Variants in EDIL3 observed in about 807,000 individuals in gnomAD.
EDIL3 encodes EGF like and discoidin domains 3.
In EDIL3, 37 loss-of-function variants were observed where a neutral mutation model predicts 67.4. The observed-to-expected ratio is 0.55, with a 90% CI of 0.42 to 0.72. The LOEUF is 0.72. Among genes scored for constraint, EDIL3 ranks in the 30% least tolerant of loss-of-function variants. EDIL3 has a pLI of 0.00. For missense variants in EDIL3, 527 were observed against 586.3 expected, an observed-to-expected ratio of 0.90 and a Z score of 1.04; for synonymous variants, 195 against 196.3, an observed-to-expected ratio of 0.99 and a Z score of 0.05.
At chr5:84,258,958 T>C (rs906573962) in intron 1 of EDIL3, among the ~76,000 whole-genome samples, 54 of 149,272 alleles carry the variant, frequency 3.6e-4, no homozygotes, top group African/African-American at 1.2e-3. Flanking sequence ...CCAGTGGATA[T>C]GTTCGTAGAG....
intron 1 of EDIL3, among the ~76,000 whole-genome samples, chr5:84,337,975 G>A (rs961284466): frequency 3.3e-5 from 5 of 151,984 alleles, no homozygotes; most frequent in East Asian, 1.9e-4. Context: ...GTGTTTCTCC[G>A]AATTTTCATG....
chr5:84,235,619 G>T (rs1214329658), intron 2 of EDIL3, among the ~76,000 whole-genome samples: 2 of 151,930 alleles, frequency 1.3e-5, no homozygotes, highest in Non-Finnish European at 2.9e-5. Flanking sequence ...ACAGTGTCTG[G>T]AACACTGGAG....
chr5:84,295,758 TTCTC>T (rs1746038276), intron 1 of EDIL3, among the ~76,000 whole-genome samples: 2 of 152,332 alleles, frequency 1.3e-5, no homozygotes, highest in Middle Eastern at 3.4e-3. Context: ...TTGGGTTGAA[TTCTC>T]TCTCTGTGTT....
chr5:84,018,412 G>A (rs1745647379), intron 9 of EDIL3, among the ~76,000 whole-genome samples: 1 of 152,134 alleles, frequency 6.6e-6, no homozygotes, highest in South Asian at 2.1e-4. Context: ...TCACGACAGG[G>A]AAGGTGTTTT....
At chr5:84,206,557 T>C (rs1022308889) in intron 3 of EDIL3, among the ~76,000 whole-genome samples, 17 of 152,252 alleles carry the variant, frequency 1.1e-4, no homozygotes, top group Admixed American at 3.3e-4. Context: ...GAGGCCAGCA[T>C]CATCCTGATA....
intron 1 of EDIL3, among the ~76,000 whole-genome samples, chr5:84,348,580 T>C (rs1747281378): frequency 7.7e-6 from 1 of 130,192 alleles, no homozygotes; most frequent in Non-Finnish European, 1.6e-5. Context: ...TTGTCTTCTA[T>C]GTTCCTCTGT....
At position 83,942,768 on chromosome 5, in the gene EDIL3, A is replaced by T. The variant is rs889839407; in HGVS notation, c.*651T>A. 6.6e-6 allele frequency: 1 copy of T among 152,090 alleles called. No individual in the cohort carries two copies. The highest frequency in any genetic ancestry group is 1.5e-5 in the Non-Finnish European group (1 of 67,984). 9.4% of individuals were successfully genotyped at this position (152,090 alleles called of 1,614,324 possible). On this transcript the variant is annotated 3_prime_UTR_variant, in exon 11 of 11. Coordinates refer to ENST00000296591, the MANE Select transcript of EDIL3 (RefSeq NM_005711.5). ...CTAATAGGAAATTCAATTAGAAAAA[A>T]ATTGAATTATTCAGGTAATATACAA...
chr5:84,261,039 T>A (rs1202059624), intron 1 of EDIL3, among the ~76,000 whole-genome samples: 1 of 152,220 alleles, frequency 6.6e-6, no homozygotes, highest in Non-Finnish European at 1.5e-5. Flanking sequence ...TTCAATCTAT[T>A]GCTTTCTTGT....
In EDIL3 at chr5:84,359,458, G is replaced by T. The variant is rs139722118; in HGVS notation, c.67+24850C>A. Among the ~76,000 whole-genome samples the T allele has an allele frequency of 4.0e-3, 605 of 152,214 alleles. 6 individuals are homozygous for T. Among genetic ancestry groups the T allele is most frequent in the African/African-American group, 0.014 (577 of 41,548 alleles). ...CACAAGACTTAAATTTTAACAGTTT[G>T]GTCCTCTAATGGCTTACATGGTTCA... is the stretch of plus-strand genomic sequence containing the variant. On this transcript the variant is annotated intron_variant, in intron 1 of 10. Transcript: ENST00000296591.
At chr5:84,160,027 T>C (rs1480129979) in intron 4 of EDIL3, among the ~76,000 whole-genome samples, 4 of 152,120 alleles carry the variant, frequency 2.6e-5, no homozygotes, top group African/African-American at 9.7e-5. Context: ...AGATTTCTTT[T>C]CAGGCCAATT....
intron 1 of EDIL3, among the ~76,000 whole-genome samples, chr5:84,331,593 C>T (rs1395276258): frequency 6.6e-6 from 1 of 152,110 alleles, no homozygotes; most frequent in Non-Finnish European, 1.5e-5. Flanking sequence ...CTGAGGCCTC[C>T]CCAGCCCTGT....
intron 2 of EDIL3, among the ~76,000 whole-genome samples, chr5:84,243,113 A>G (rs1744832114): frequency 6.6e-6 from 1 of 152,086 alleles, no homozygotes. Context: ...CACTCTGAAA[A>G]TACAGGCAAA....
At chr5:84,111,266 A>T (rs941593302) in intron 5 of EDIL3, among the ~76,000 whole-genome samples, 1 of 152,204 alleles carries the variant, frequency 6.6e-6, no homozygotes, top group Admixed American at 6.5e-5. Flanking sequence ...AGTTCTTTAT[A>T]ACAATGTGTG....
intron 9 of EDIL3, among the ~76,000 whole-genome samples, chr5:84,018,261 C>G (rs1383370549): frequency 6.6e-6 from 1 of 152,272 alleles, no homozygotes. Flanking sequence ...ACATCTGATA[C>G]TTCTCTGCAA....
intron 5 of EDIL3, among the ~76,000 whole-genome samples, chr5:84,110,587 G>A (rs1169505666): frequency 6.6e-6 from 1 of 152,144 alleles, no homozygotes; most frequent in Non-Finnish European, 1.5e-5. Flanking sequence ...GTACCCACAT[G>A]TGTTTTCTCA....
chr5:84,277,863 G>T (rs1745612344), intron 1 of EDIL3, among the ~76,000 whole-genome samples: 1 of 151,944 alleles, frequency 6.6e-6, no homozygotes, highest in South Asian at 2.1e-4. Context: ...TAATACGCAT[G>T]ATAATGTAAT....
At chr5:84,078,833 A>G (rs1344756522) in intron 6 of EDIL3, 1 of 152,176 alleles carries the variant, frequency 6.6e-6, no homozygotes, top group Non-Finnish European at 1.5e-5. Flanking sequence ...GAGGTCCTAA[A>G]TCCATTGGAA....
At chr5:84,192,816 T>C (rs1743620290) in intron 3 of EDIL3, among the ~76,000 whole-genome samples, 1 of 151,928 alleles carries the variant, frequency 6.6e-6, no homozygotes, top group Non-Finnish European at 1.5e-5. Context: ...AGAAATGTGA[T>C]AATCAAATAA....
intron 4 of EDIL3, among the ~76,000 whole-genome samples, chr5:84,141,526 T>C (rs966203965): frequency 2.0e-5 from 3 of 147,458 alleles, no homozygotes; most frequent in African/African-American, 4.9e-5. Flanking sequence ...ATATATGCGA[T>C]ATATATGTAT....
Sources: gnomAD v4.1 joint callset for allele counts (sites outside exome capture counted in the v4.1 genomes callset) on GRCh38, gnomAD v4.1.1 for gene constraint, MANE v1.5 for transcripts, NCBI Gene and HGNC (gene_info 2026-07-23, HGNC 2026-07-21) for gene names.